GPC5: variants seen among roughly 807,000 people sequenced by gnomAD.
The protein encoded by GPC5 is glypican-5.
GPC5 carries 47 observed loss-of-function variants against 53.9 expected under a neutral mutation model. The observed-to-expected ratio is 0.87, with a 90% CI of 0.69 to 1.11. GPC5 has a LOEUF of 1.11. Ranked by LOEUF, GPC5 falls within the 50% of genes most tolerant of loss-of-function variation. GPC5 has a pLI of 0.00. For synonymous variants in GPC5, 286 were observed against 263.3 expected (o/e 1.09, Z -0.84); for missense variants, 748 against 713.1 (o/e 1.05, Z -0.56).
rs144854341 is a variant in GPC5, at chr13:91,510,282, C to T, written c.325+61360C>T. ...AGCTGCTCTAATGTTTTAGATATAT[C>T]ATCTTGTTTAATGCACGGAACAAGC... On this transcript the variant is annotated intron_variant, in intron 2 of 7. Transcript: ENST00000377067. Among the ~76,000 whole-genome samples, 9 of 152,098 alleles carry T rather than the reference C, an allele frequency of 5.9e-5. No homozygotes were observed. The East Asian group carries it at 1.5e-3, about 26-fold the overall frequency.
intron 7 of GPC5, among the ~76,000 whole-genome samples, chr13:92,247,025 C>T: frequency 6.6e-6 from 1 of 151,964 alleles, no homozygotes; most frequent in Non-Finnish European, 1.5e-5. Context: ...CAATGGTTGC[C>T]CTGTGTGGGA....
intron 6 of GPC5, among the ~76,000 whole-genome samples, chr13:91,976,276 A>G (rs2040300942): frequency 6.6e-6 from 1 of 152,218 alleles, no homozygotes; most frequent in Non-Finnish European, 1.5e-5. Flanking sequence ...TGTAATAATA[A>G]TAAAAGAAAA....
chr13:92,216,996 A>AG (rs1485797999), intron 7 of GPC5, among the ~76,000 whole-genome samples: 1 of 151,602 alleles, frequency 6.6e-6, no homozygotes, highest in East Asian at 1.9e-4. Flanking sequence ...AAAAAAAAAA[A>AG]AAAGTCATCT....
chr13:91,996,331 G>C (rs2040503737), intron 6 of GPC5: 1 of 152,238 alleles, frequency 6.6e-6, no homozygotes, highest in African/African-American at 2.4e-5. Context: ...CTCTAGCCCA[G>C]GCTATAGCTA....
intron 6 of GPC5, among the ~76,000 whole-genome samples, chr13:91,976,282 G>T (rs906382060): frequency 6.6e-6 from 1 of 152,052 alleles, no homozygotes; most frequent in East Asian, 1.9e-4. Flanking sequence ...AATAATAAAA[G>T]AAAATTTAAA....
intron 6 of GPC5, among the ~76,000 whole-genome samples, chr13:91,911,177 T>G (rs1402785757): frequency 6.6e-6 from 1 of 152,110 alleles, no homozygotes; most frequent in Non-Finnish European, 1.5e-5. Context: ...ACCTCATGTT[T>G]TGGGGAGTCC....
intron 5 of GPC5, among the ~76,000 whole-genome samples, chr13:91,871,217 T>G (rs1004988483): frequency 2.0e-5 from 3 of 152,202 alleles, no homozygotes; most frequent in African/African-American, 7.2e-5. Context: ...ATATTCAACC[T>G]GTATACATTT....
chr13:92,643,390 T>G (rs538372464), intron 7 of GPC5, among the ~76,000 whole-genome samples: 1,688 of 151,164 alleles, frequency 0.011, 24 homozygotes, highest in African/African-American at 0.033. Context: ...TATACCCAAA[T>G]GACTATAAAT....
intron 5 of GPC5, among the ~76,000 whole-genome samples, chr13:91,832,990 C>A (rs549385788): frequency 6.6e-6 from 1 of 152,090 alleles, no homozygotes; most frequent in Non-Finnish European, 1.5e-5. Flanking sequence ...AATAGATAGA[C>A]CACCAGCCAG....
Position 91,693,202 on chromosome 13 carries a change from T to C in GPC5, c.341T>C (p.Leu114Pro). Residue 114 changes from leucine to proline, a missense_variant, in exon 3 of 8, where the codon CTC (leucine) becomes CCC (proline). Physicochemically the swap from Leu to Pro is moderately conservative, Grantham distance 98 (BLOSUM62 -3). Transcript: ENST00000377067. ...TGTGTTACAGAAACCCTTGAAACTC[T>C]CATCAAACAAGCAGAAAATTACACC... ...AAAFQETLETLIKQAENYTSI... is the reference protein window; with the variant it reads ...AAAFQETLETPIKQAENYTSI... 1 of 1,612,736 alleles carries C rather than the reference T, an allele frequency of 6.2e-7. No individual in the cohort carries two copies. The highest frequency in any genetic ancestry group is 2.2e-5 in the East Asian group (1 of 44,838).
intron 7 of GPC5, among the ~76,000 whole-genome samples, chr13:92,385,389 T>G (rs190867605): frequency 1.4e-5 from 1 of 70,444 alleles, no homozygotes; most frequent in Non-Finnish European, 2.7e-5. Flanking sequence ...TACATATATA[T>G]ACATATATAC....
rs924036490 is a variant in GPC5, at chr13:92,439,701, C to T, written c.1561+294712C>T. ...AAAATCTGTGTTCAAGTCTGGAAAA[C>T]CAAAGACAATGGGGGTCTATATAAT... On this transcript the variant is annotated intron_variant, in intron 7 of 7. Transcript: ENST00000377067. 3.3e-5 allele frequency among the ~76,000 whole-genome samples: 5 copies of T among 152,198 alleles called. No homozygotes were observed. In the East Asian group the frequency reaches 7.7e-4, roughly 24 times the overall value.
chr13:92,318,129 C>T (rs2043192289), intron 7 of GPC5, among the ~76,000 whole-genome samples: 1 of 152,112 alleles, frequency 6.6e-6, no homozygotes, highest in Non-Finnish European at 1.5e-5. Context: ...ATGTTCAAGA[C>T]ATCTTTAAGT....
At chr13:91,473,236 A>T (rs1000793821) in intron 2 of GPC5, among the ~76,000 whole-genome samples, 3 of 152,134 alleles carry the variant, frequency 2.0e-5, no homozygotes, top group Non-Finnish European at 4.4e-5. Flanking sequence ...TGGGGATTAT[A>T]GATCTCTCCT....
rs151054720 is a variant in GPC5, at chr13:92,212,563, A to G, written c.1561+67574A>G. Among the ~76,000 whole-genome samples, 77 of 152,290 alleles carry G rather than the reference A, an allele frequency of 5.1e-4. No homozygotes were observed. The East Asian group carries it at 0.011, about 22-fold the overall frequency. Reference sequence around the variant, plus strand: ...CCATCTTCTTACATGTTTAAATTAAACTGCTTGCAACATGGATCTACCTTT... The same window carrying G: ...CCATCTTCTTACATGTTTAAATTAAGCTGCTTGCAACATGGATCTACCTTT... On this transcript the variant is annotated intron_variant, in intron 7 of 7. Transcript: ENST00000377067.
chr13:92,572,079 G>C (rs1372963076), intron 7 of GPC5, among the ~76,000 whole-genome samples: 1 of 151,978 alleles, frequency 6.6e-6, no homozygotes, highest in Non-Finnish European at 1.5e-5. Context: ...GAAATCTTAG[G>C]CTATAAATCT....
At chr13:92,419,219 A>G (rs1432377194) in intron 7 of GPC5, among the ~76,000 whole-genome samples, 2 of 152,236 alleles carry the variant, frequency 1.3e-5, no homozygotes, top group Non-Finnish European at 2.9e-5. Context: ...AGCTCTCATG[A>G]CAATGAGACA....
chr13:91,531,738 A>T (rs1315360312), intron 2 of GPC5, among the ~76,000 whole-genome samples: 1 of 152,214 alleles, frequency 6.6e-6, no homozygotes, highest in Non-Finnish European at 1.5e-5. Flanking sequence ...GTGTACTCTA[A>T]ATAGGAACTG....
intron 2 of GPC5, among the ~76,000 whole-genome samples, chr13:91,672,971 C>G (rs10161892): frequency 0.02 from 3,081 of 152,180 alleles, 105 homozygotes; most frequent in African/African-American, 0.07. Context: ...CCTCAGCAAA[C>G]TAACACAGGA....
Sources: gnomAD v4.1 joint callset for allele counts (sites outside exome capture counted in the v4.1 genomes callset) on GRCh38, gnomAD v4.1.1 for gene constraint, MANE v1.5 for transcripts, NCBI Gene and HGNC (gene_info 2026-07-23, HGNC 2026-07-21) for gene names.